The following KCNC2 variants were observed in gnomAD, a reference collection of about 807,000 sequenced individuals.
The protein encoded by KCNC2 is potassium voltage-gated channel subfamily C member 2.
Under a neutral mutation model 44.5 loss-of-function variants are expected in KCNC2, and 21 were observed. That is an observed-to-expected ratio of 0.47 (90% CI 0.33 to 0.68). The LOEUF (loss-of-function observed/expected upper bound fraction) is 0.68, where lower values mean the gene tolerates loss of function less well. Ranked by LOEUF, KCNC2 falls within the 30% of genes least tolerant of loss-of-function variation. The pLI, the probability that KCNC2 is intolerant of heterozygous loss-of-function variation, is 0.01. For synonymous variants in KCNC2, 391 were observed against 339.1 expected, an observed-to-expected ratio of 1.15 and a Z score of -1.68; for missense variants, 589 against 826.2, an observed-to-expected ratio of 0.71 and a Z score of 3.52.
intron 2 of KCNC2, among the ~76,000 whole-genome samples, chr12:75,108,207 G>A (rs1886942732): frequency 6.6e-6 from 1 of 152,188 alleles, no homozygotes; most frequent in Non-Finnish European, 1.5e-5. Context: ...TTAATTAACA[G>A]CATGAGTTTT....
intron 2 of KCNC2, among the ~76,000 whole-genome samples, chr12:75,206,702 G>A (rs141746386): frequency 6.6e-6 from 1 of 152,276 alleles, no homozygotes; most frequent in Non-Finnish European, 1.5e-5. Context: ...GTCTCCCTTG[G>A]AAAGTGACAG....
intron 2 of KCNC2, among the ~76,000 whole-genome samples, chr12:75,091,887 A>G (rs1280608531): frequency 2.0e-5 from 3 of 151,760 alleles, no homozygotes; most frequent in Non-Finnish European, 4.4e-5. Flanking sequence ...TGGAACTTAT[A>G]AGATCTAAAC....
At chr12:75,043,573 G>T in intron 4 of KCNC2, 2 of 1,213,444 alleles carry the variant, frequency 1.6e-6, no homozygotes, top group Non-Finnish European at 2.1e-6. Flanking sequence ...TAAGATATAA[G>T]CTTGACTAAT....
At chr12:75,044,632 T>A (rs1880279302) in intron 4 of KCNC2, 1 of 151,978 alleles carries the variant, frequency 6.6e-6, no homozygotes, top group African/African-American at 2.4e-5. Context: ...GTAACAGCTC[T>A]CTTACGGGGT....
chr12:75,146,573 T>A (rs1441584593), intron 2 of KCNC2, among the ~76,000 whole-genome samples: 1 of 152,238 alleles, frequency 6.6e-6, no homozygotes, highest in African/African-American at 2.4e-5. Flanking sequence ...TTGTTTCATA[T>A]TTTTGCTATT....
At chr12:75,151,810 A>G (rs1333378517) in intron 2 of KCNC2, among the ~76,000 whole-genome samples, 2 of 150,712 alleles carry the variant, frequency 1.3e-5, no homozygotes, top group African/African-American at 4.9e-5. Context: ...TTTATTTTAA[A>G]GGGCAACTAA....
intron 2 of KCNC2, among the ~76,000 whole-genome samples, chr12:75,129,623 A>T (rs1408840401): frequency 6.6e-6 from 1 of 152,216 alleles, no homozygotes; most frequent in African/African-American, 2.4e-5. Flanking sequence ...AAATTGAGTA[A>T]AGTGAGATGA....
chr12:75,193,792 T>A (rs551100246), intron 2 of KCNC2, among the ~76,000 whole-genome samples: 110 of 152,280 alleles, frequency 7.2e-4, no homozygotes, highest in African/African-American at 2.6e-3. Context: ...GAATCCTGTG[T>A]TCTGCACAAT....
chr12:75,121,003 T>C (rs1352946297), intron 2 of KCNC2, among the ~76,000 whole-genome samples: 1 of 152,192 alleles, frequency 6.6e-6, no homozygotes, highest in Non-Finnish European at 1.5e-5. Context: ...TAGCCACCAT[T>C]TGCACAGTGT....
At chr12:75,159,577 G>A (rs1418235881) in intron 2 of KCNC2, among the ~76,000 whole-genome samples, 1 of 151,802 alleles carries the variant, frequency 6.6e-6, no homozygotes, top group Non-Finnish European at 1.5e-5. Flanking sequence ...AACCAGCTGT[G>A]TTCATCTTGG....
chr12:75,175,055 A>G (rs1892090285), intron 2 of KCNC2, among the ~76,000 whole-genome samples: 1 of 151,892 alleles, frequency 6.6e-6, no homozygotes, highest in Admixed American at 6.6e-5. Flanking sequence ...ACTTCCAAAG[A>G]AAAAACAGGA....
chr12:75,185,958 C>T (rs914325725), intron 2 of KCNC2, among the ~76,000 whole-genome samples: 7 of 151,788 alleles, frequency 4.6e-5, no homozygotes, highest in African/African-American at 1.7e-4. Context: ...AGACAAGAGA[C>T]TCACTTGAAC....
At chr12:75,084,499 T>C (rs1281975277) in intron 2 of KCNC2, among the ~76,000 whole-genome samples, 2 of 151,754 alleles carry the variant, frequency 1.3e-5, no homozygotes, top group Non-Finnish European at 2.9e-5. Context: ...ATAAGTCTCA[T>C]GAGATCTGAT....
At position 75,166,458 on chromosome 12, in the gene KCNC2, G is replaced by T. The variant is rs1019536047; in HGVS notation, c.687+40839C>A. On this transcript the variant is annotated intron_variant, in intron 2 of 4. Coordinates refer to ENST00000549446, the MANE Select transcript of KCNC2 (RefSeq NM_139137.4). ...CTCGAATGATCTAAAAAAAAAAAAA[G>T]TTAGACCTAACAGATGTCTATAAAA... Among the ~76,000 whole-genome samples, 48 of 141,324 alleles carry T rather than the reference G, an allele frequency of 3.4e-4. 1 individual carries two copies. Among genetic ancestry groups the T allele is most frequent in the Non-Finnish European group, 3.1e-5 (2 of 63,820 alleles). 92.7% of individuals were successfully genotyped at this position (141,324 alleles called of 152,430 possible). A position where few individuals can be genotyped will look rare whatever the true frequency, so the allele number is the denominator to read the frequency against.
At chr12:75,044,844 C>T (rs1880301057) in intron 4 of KCNC2, 1 of 151,812 alleles carries the variant, frequency 6.6e-6, no homozygotes, top group South Asian at 2.1e-4. Context: ...TAATTATCTG[C>T]CAATGTTTTG....
intron 2 of KCNC2, among the ~76,000 whole-genome samples, chr12:75,164,219 C>G (rs1392732928): frequency 1.3e-5 from 2 of 151,624 alleles, no homozygotes; most frequent in Non-Finnish European, 3.0e-5. Flanking sequence ...TAGGAGTAAT[C>G]TTTTGGACTC....
At chr12:75,203,295 T>C (rs1011649217) in intron 2 of KCNC2, among the ~76,000 whole-genome samples, 1 of 151,858 alleles carries the variant, frequency 6.6e-6, no homozygotes, top group Non-Finnish European at 1.5e-5. Context: ...CAAAGTAAAT[T>C]AAATATTTGC....
chr12:75,040,879 A>T lies in KCNC2; in HGVS notation c.*2226T>A. The T allele has an allele frequency of 3.8e-6, 2 of 522,148 alleles. No individual in the cohort carries two copies. Among genetic ancestry groups the T allele is most frequent in the South Asian group, 5.3e-5 (2 of 37,620 alleles). The allele number at this position is 522,148 out of a possible 1,614,324, so 32.3% of individuals were successfully genotyped here. A position where few individuals can be genotyped will look rare whatever the true frequency, so the allele number is the denominator to read the frequency against. Reference sequence around the variant, plus strand: ...GTGGGCCTTACTTGAAACTTCAGAGATGTTGATCATGAATTTGGCTTCTTT... The same window carrying T: ...GTGGGCCTTACTTGAAACTTCAGAGTTGTTGATCATGAATTTGGCTTCTTT... On this transcript the variant is annotated 3_prime_UTR_variant, in exon 5 of 5. Coordinates refer to ENST00000549446, the MANE Select transcript of KCNC2 (RefSeq NM_139137.4).
At chr12:75,060,814 G>T (rs1363868275) in intron 2 of KCNC2, among the ~76,000 whole-genome samples, 1 of 151,984 alleles carries the variant, frequency 6.6e-6, no homozygotes, top group Non-Finnish European at 1.5e-5. Context: ...CCTTAATGTG[G>T]TCCTTACCTA....
Sources: allele counts gnomAD v4.1 joint callset (sites outside exome capture counted in the v4.1 genomes callset), GRCh38; gene constraint gnomAD v4.1.1; transcripts MANE v1.5; gene names NCBI Gene and HGNC (gene_info 2026-07-23, HGNC 2026-07-21).